RALYL: variants seen among roughly 807,000 people sequenced by gnomAD.
The protein encoded by RALYL is RALY RNA binding protein like.
Under a neutral mutation model 35.1 loss-of-function variants are expected in RALYL, and 29 were observed. The observed-to-expected ratio is 0.83, with a 90% CI of 0.61 to 1.13. The LOEUF (loss-of-function observed/expected upper bound fraction) is 1.13. Among genes scored for constraint, RALYL ranks in the 50% most tolerant of loss-of-function variants. The probability of loss-of-function intolerance (pLI) is 0.00; values close to 1 mark genes in which losing one functional copy is unlikely to be tolerated. For missense variants in RALYL, 359 were observed against 360.4 expected (o/e 1.00, Z 0.03); for synonymous variants, 120 against 127.6 (o/e 0.94, Z 0.40).
intron 1 of RALYL, among the ~76,000 whole-genome samples, chr8:84,326,324 T>C (rs1845784397): frequency 6.6e-6 from 1 of 152,236 alleles, no homozygotes; most frequent in Non-Finnish European, 1.5e-5. Context: ...TGGTCCATTT[T>C]AAGCTGTTTC....
Position 84,774,593 on chromosome 8 carries a change from G to A in RALYL, c.271G>A (p.Gly91Arg), listed in dbSNP as rs1348773994. The A allele has an allele frequency of 6.2e-7, 1 of 1,606,188 alleles. No homozygotes were observed. The highest frequency in any genetic ancestry group is 1.1e-5 in the South Asian group (1 of 89,672). The change falls in exon 3 of 9, where the codon GGA (glycine) becomes AGA (arginine). Residue 91 changes from glycine to arginine, a missense_variant. Coordinates refer to ENST00000521268, the MANE Select transcript of RALYL (RefSeq NM_173848.7). Reference sequence around the variant, plus strand: ...TATGCTTTCAGATATCAACATGGCAGGAGAGCCCAAACCATACAGACCAAA... The same window carrying A: ...TATGCTTTCAGATATCAACATGGCAAGAGAGCCCAAACCATACAGACCAAA... ...AGQPLDINMAGEPKPYRPKPG... is the reference protein window; with the variant it reads ...AGQPLDINMAREPKPYRPKPG...
chr8:84,494,418 GT>G (rs1219806056), intron 1 of RALYL, among the ~76,000 whole-genome samples: 1 of 151,968 alleles, frequency 6.6e-6, no homozygotes, highest in Non-Finnish European at 1.5e-5. Flanking sequence ...TTTTAAAGTA[GT>G]TTTTTTCTAA....
chr8:84,569,649 A>G (rs1056485578), intron 2 of RALYL, among the ~76,000 whole-genome samples: 1 of 151,778 alleles, frequency 6.6e-6, no homozygotes, highest in Middle Eastern at 3.2e-3. Flanking sequence ...TCTTCATTAT[A>G]AATTCTTTGC....
intron 1 of RALYL, among the ~76,000 whole-genome samples, chr8:84,232,058 G>A (rs775130499): frequency 1.2e-4 from 18 of 152,130 alleles, no homozygotes; most frequent in Non-Finnish European, 2.2e-4. Context: ...GGGAAAAAAG[G>A]TCTGGTCAGT....
chr8:84,252,516 AC>A (rs1319424499), intron 1 of RALYL, among the ~76,000 whole-genome samples: 1 of 152,158 alleles, frequency 6.6e-6, no homozygotes, highest in Non-Finnish European at 1.5e-5. Context: ...AAAGGCGCAG[AC>A]CTATTCTGAA....
At chr8:84,842,441 A>T (rs1446782660) in intron 4 of RALYL, among the ~76,000 whole-genome samples, 3 of 152,200 alleles carry the variant, frequency 2.0e-5, no homozygotes, top group African/African-American at 7.2e-5. Context: ...CTCTGAATAG[A>T]CCAATAACAG....
At chr8:84,503,701 T>C (rs2056910573) in intron 1 of RALYL, among the ~76,000 whole-genome samples, 1 of 151,680 alleles carries the variant, frequency 6.6e-6, no homozygotes, top group South Asian at 2.1e-4. Context: ...ATACAAAAAT[T>C]AGCCAGGCGT....
chr8:84,615,378 G>A (rs1819262859), intron 2 of RALYL, among the ~76,000 whole-genome samples: 1 of 150,884 alleles, frequency 6.6e-6, no homozygotes, highest in Admixed American at 6.6e-5. Context: ...CGTAGCATGG[G>A]CATCTGCATA....
chr8:84,643,811 A>C (rs1282102357), intron 2 of RALYL, among the ~76,000 whole-genome samples: 1 of 152,020 alleles, frequency 6.6e-6, no homozygotes, highest in Non-Finnish European at 1.5e-5. Flanking sequence ...GTTTAAAAAG[A>C]GGAACTTGGA....
chr8:84,365,179 A>G (rs1853963657), intron 1 of RALYL, among the ~76,000 whole-genome samples: 1 of 152,150 alleles, frequency 6.6e-6, no homozygotes, highest in Non-Finnish European at 1.5e-5. Flanking sequence ...CTAGTCAGTT[A>G]TGTAAAATAA....
chr8:84,825,538 C>T (rs1244556176), intron 4 of RALYL, among the ~76,000 whole-genome samples: 1 of 152,160 alleles, frequency 6.6e-6, no homozygotes, highest in Non-Finnish European at 1.5e-5. Context: ...CAAAAAGACA[C>T]ATGCACTCAC....
chr8:84,865,135 T>C (rs1465016542), intron 6 of RALYL, among the ~76,000 whole-genome samples: 1 of 152,192 alleles, frequency 6.6e-6, no homozygotes, highest in South Asian at 2.1e-4. Context: ...AAAATATATA[T>C]GTGCATGTAT....
At chr8:84,653,872 AT>A (rs1183758542) in intron 2 of RALYL, among the ~76,000 whole-genome samples, 1 of 151,680 alleles carries the variant, frequency 6.6e-6, no homozygotes, top group Admixed American at 6.6e-5. Flanking sequence ...ATTCTCTAAT[AT>A]AAAGTATTTT....
intron 1 of RALYL, among the ~76,000 whole-genome samples, chr8:84,241,777 CAAAAAA>C (rs35007112): frequency 9.0e-6 from 1 of 110,570 alleles, no homozygotes; most frequent in Non-Finnish European, 1.9e-5. Context: ...GACTGTGTCT[CAAAAAA>C]AAAAAAAAAA....
intron 2 of RALYL, among the ~76,000 whole-genome samples, chr8:84,625,731 G>C (rs1329178242): frequency 6.6e-6 from 1 of 152,178 alleles, no homozygotes; most frequent in Non-Finnish European, 1.5e-5. Flanking sequence ...CAAAGATTCT[G>C]TTACACCATA....
intron 1 of RALYL, among the ~76,000 whole-genome samples, chr8:84,348,618 G>T (rs1205001142): frequency 6.6e-6 from 1 of 151,976 alleles, no homozygotes; most frequent in Non-Finnish European, 1.5e-5. Context: ...CTGCTTTATC[G>T]ACCGTAAACA....
chr8:84,516,522 T>A (rs2058078838), intron 1 of RALYL, among the ~76,000 whole-genome samples: 1 of 152,168 alleles, frequency 6.6e-6, no homozygotes, highest in Non-Finnish European at 1.5e-5. Context: ...AAGAATAATT[T>A]ATGTATGAAG....
chr8:84,911,220 T>C (rs2135690066), intron 8 of RALYL, among the ~76,000 whole-genome samples: 1 of 152,176 alleles, frequency 6.6e-6, no homozygotes. Flanking sequence ...CACAAGAAAG[T>C]TCAACTAGCA....
Position 84,184,089 on chromosome 8 carries a change from T to G in RALYL, c.-359T>G, listed in dbSNP as rs897734865. ...TTGGAAGCCGGTGAAAACAAATTCG[T>G]TTTTTTTCCCTCCTGTTTTTGATAC... is the stretch of plus-strand genomic sequence containing the variant. On this transcript the variant is annotated 5_prime_UTR_variant, in exon 1 of 9. Coordinates refer to ENST00000521268, the MANE Select transcript of RALYL (RefSeq NM_173848.7). The G allele has an allele frequency of 6.6e-6, 1 of 151,854 alleles. No homozygotes were observed. The highest frequency in any genetic ancestry group is 2.4e-5 in the African/African-American group (1 of 41,312). 9.4% of individuals were successfully genotyped at this position (151,854 alleles called of 1,614,324 possible). A position where few individuals can be genotyped will look rare whatever the true frequency, so the allele number is the denominator to read the frequency against.
Sources: gnomAD v4.1 joint callset for allele counts (sites outside exome capture counted in the v4.1 genomes callset) on GRCh38, gnomAD v4.1.1 for gene constraint, MANE v1.5 for transcripts, NCBI Gene and HGNC (gene_info 2026-07-23, HGNC 2026-07-21) for gene names.